Variants in FGGY observed in about 807,000 individuals in gnomAD.
FGGY encodes FGGY carbohydrate kinase domain-containing protein.
Under a neutral mutation model 71.3 loss-of-function variants are expected in FGGY, and 72 were observed. The observed-to-expected ratio is 1.01, with a 90% CI of 0.84 to 1.23. FGGY has a LOEUF of 1.23. FGGY is among the 50% of genes most tolerant of loss of function. The pLI is 0.00. For synonymous variants in FGGY, 251 were observed against 250.3 expected (o/e 1.00, Z -0.02); for missense variants, 668 against 682.3 (o/e 0.98, Z 0.23).
chr1:59,501,271 C>G (rs2094214471), intron 6 of FGGY, among the ~76,000 whole-genome samples: 1 of 152,074 alleles, frequency 6.6e-6, no homozygotes, highest in Non-Finnish European at 1.5e-5. Flanking sequence ...ATTTTGAGAT[C>G]CTCTGCTTCC....
At chr1:59,299,631 C>T (rs546690966) in intron 1 of FGGY, among the ~76,000 whole-genome samples, 2 of 125,742 alleles carry the variant, frequency 1.6e-5, no homozygotes, top group Non-Finnish European at 3.2e-5. Flanking sequence ...TCAGCAAGGC[C>T]ATTTACTTCT....
rs533985405 is a variant in FGGY, at chr1:59,340,803, C to T, written c.313+734C>T. On this transcript the variant is annotated intron_variant, in intron 3 of 15. Transcript: ENST00000303721. ...ATGGGTAATGTAAATGAGTAATAGG[C>T]CAGGTTTGAGAAAAACCACTGCACC... Among the ~76,000 whole-genome samples, 6 of 152,124 alleles carry T rather than the reference C, an allele frequency of 3.9e-5. No individual in the cohort carries two copies. The South Asian group carries it at 1.2e-3, about 32-fold the overall frequency.
chr1:59,613,735 A>T (rs1027469616), intron 9 of FGGY, among the ~76,000 whole-genome samples: 93 of 152,282 alleles, frequency 6.1e-4, no homozygotes, highest in African/African-American at 2.1e-3. Context: ...GATCAACAAA[A>T]TTGATAGAAC....
intron 14 of FGGY, among the ~76,000 whole-genome samples, chr1:59,742,502 T>C (rs904477527): frequency 1.3e-4 from 20 of 152,268 alleles, no homozygotes; most frequent in Non-Finnish European, 1.9e-4. Flanking sequence ...CAATATTATA[T>C]GGTAGTCTTA....
intron 14 of FGGY, among the ~76,000 whole-genome samples, chr1:59,746,209 T>G (rs1401596681): frequency 6.6e-6 from 1 of 152,154 alleles, no homozygotes; most frequent in African/African-American, 2.4e-5. Flanking sequence ...CATGTGTCAT[T>G]GTATCTCCAT....
intron 5 of FGGY, among the ~76,000 whole-genome samples, chr1:59,395,312 A>G (rs2061195182): frequency 6.6e-6 from 1 of 152,110 alleles, no homozygotes. Context: ...AAAAGCTGCA[A>G]TAGTTTGTTC....
intron 10 of FGGY, among the ~76,000 whole-genome samples, chr1:59,636,757 C>T (rs971266244): frequency 6.6e-6 from 1 of 152,238 alleles, no homozygotes; most frequent in Non-Finnish European, 1.5e-5. Context: ...CTTTTGGCAA[C>T]TTCATGGGAT....
chr1:59,671,964 G>C (rs2097382468), intron 13 of FGGY, among the ~76,000 whole-genome samples: 1 of 152,146 alleles, frequency 6.6e-6, no homozygotes, highest in African/African-American at 2.4e-5. Context: ...CCTGTGAGTA[G>C]TTCCTCCCTG....
intron 14 of FGGY, among the ~76,000 whole-genome samples, chr1:59,713,454 G>T (rs2097816297): frequency 6.6e-6 from 1 of 152,054 alleles, no homozygotes; most frequent in African/African-American, 2.4e-5. Flanking sequence ...CCCCACTGCA[G>T]GTCCTTCACA....
chr1:59,360,374 C>G (rs2055249437), intron 4 of FGGY, among the ~76,000 whole-genome samples: 1 of 152,120 alleles, frequency 6.6e-6, no homozygotes, highest in Admixed American at 6.6e-5. Context: ...GAGTCACAGA[C>G]AAGCCCACGG....
At chr1:59,321,351 C>G (rs1332133910) in intron 1 of FGGY, among the ~76,000 whole-genome samples, 185 bp from the exon 2 acceptor site, 2 of 152,182 alleles carry the variant, frequency 1.3e-5, no homozygotes, top group African/African-American at 4.8e-5. Flanking sequence ...GTGCTGTTCA[C>G]CCACCATGTA....
intron 14 of FGGY, among the ~76,000 whole-genome samples, chr1:59,696,377 A>G (rs1447365030): frequency 6.6e-6 from 1 of 152,236 alleles, no homozygotes; most frequent in Non-Finnish European, 1.5e-5. Flanking sequence ...CCAGGACTTA[A>G]AGAAATATTT....
At chr1:59,398,227 T>C (rs1476037707) in intron 5 of FGGY, among the ~76,000 whole-genome samples, 1 of 152,098 alleles carries the variant, frequency 6.6e-6, no homozygotes, top group Non-Finnish European at 1.5e-5. Context: ...TTGTTGATCA[T>C]GATTTTACTG....
At chr1:59,742,861 A>G (rs1210929104) in intron 14 of FGGY, among the ~76,000 whole-genome samples, 3 of 152,196 alleles carry the variant, frequency 2.0e-5, no homozygotes, top group Admixed American at 2.0e-4. Context: ...TAATTCTACC[A>G]TCACCATCCT....
intron 13 of FGGY, chr1:59,673,515 A>G (rs960346186): frequency 6.5e-6 from 1 of 153,950 alleles, no homozygotes; most frequent in Non-Finnish European, 1.4e-5. Flanking sequence ...GGGCTGTGGC[A>G]TGCACCCTGA....
At chr1:59,377,664 AC>A (rs2058837067) in intron 4 of FGGY, among the ~76,000 whole-genome samples, 1 of 151,918 alleles carries the variant, frequency 6.6e-6, no homozygotes, top group Non-Finnish European at 1.5e-5. Flanking sequence ...TGACAACTAG[AC>A]CTAAACTAAC....
intron 12 of FGGY, among the ~76,000 whole-genome samples, chr1:59,662,028 G>C (rs1235413842): frequency 6.9e-6 from 1 of 144,368 alleles, no homozygotes; most frequent in Non-Finnish European, 1.5e-5. Flanking sequence ...CGAGTTAAGA[G>C]GTATTTTATA....
At chr1:59,469,275 T>C (rs888609928) in intron 6 of FGGY, among the ~76,000 whole-genome samples, 1 of 152,220 alleles carries the variant, frequency 6.6e-6, no homozygotes, top group Non-Finnish European at 1.5e-5. Flanking sequence ...TCAGCAGAGA[T>C]TAATTCAGCT....
intron 11 of FGGY, among the ~76,000 whole-genome samples, chr1:59,654,498 T>G (rs2097200258): frequency 6.6e-6 from 1 of 152,242 alleles, no homozygotes; most frequent in Admixed American, 6.5e-5. Flanking sequence ...TTTTCTTGTC[T>G]TTTGTAATCT....
Sources: gnomAD v4.1 joint callset for allele counts (sites outside exome capture counted in the v4.1 genomes callset) on GRCh38, gnomAD v4.1.1 for gene constraint, MANE v1.5 for transcripts, NCBI Gene and HGNC (gene_info 2026-07-23, HGNC 2026-07-21) for gene names.